Variants in SLMAP observed in about 807,000 individuals in gnomAD.
SLMAP encodes the protein sarcolemma associated protein, also known as sarcolemmal membrane-associated protein.
SLMAP carries 44 observed loss-of-function variants against 128.8 expected under a neutral mutation model. The ratio of observed to expected loss-of-function variants is 0.34; its 90% CI spans 0.27 to 0.44. The LOEUF (loss-of-function observed/expected upper bound fraction) is 0.44, where lower values mean the gene tolerates loss of function less well. Ranked by LOEUF, SLMAP falls within the 20% of genes least tolerant of loss-of-function variation. SLMAP has a pLI of 1.00. For missense variants in SLMAP, 787 were observed against 985.3 expected (o/e 0.80, Z 2.69); for synonymous variants, 327 against 348.8 (o/e 0.94, Z 0.70).
chr3:57,879,502 C>T lies in SLMAP; in HGVS notation c.1300+7804C>T, dbSNP rs577186276. On this transcript the variant is annotated intron_variant, in intron 14 of 24. Coordinates refer to ENST00000671191, the MANE Select transcript of SLMAP (RefSeq NM_001377540.1). ...CCCTCAGTAATTAAATGGACAAATA[C>T]ACTGGGGCATATTGGGCGGAAAAAA... Among the ~76,000 whole-genome samples the T allele has an allele frequency of 2.0e-3, 307 of 152,216 alleles. 7 individuals carry two copies. In the South Asian group the frequency reaches 0.037, roughly 19 times the overall value.
intron 4 of SLMAP, among the ~76,000 whole-genome samples, chr3:57,843,745 TC>T (rs1326240114): frequency 1.4e-5 from 2 of 147,318 alleles, no homozygotes; most frequent in Non-Finnish European, 3.0e-5. Context: ...TTTCTTTCTC[TC>T]CCTTTCTCTC....
At chr3:57,852,643 G>A (rs113137137) in intron 6 of SLMAP, among the ~76,000 whole-genome samples, 109 of 152,324 alleles carry the variant, frequency 7.2e-4, no homozygotes, top group African/African-American at 2.5e-3. Flanking sequence ...TAATTAAGCT[G>A]CTTATTATTA....
chr3:57,778,311 T>C (rs1180974233), intron 2 of SLMAP, among the ~76,000 whole-genome samples: 1 of 151,760 alleles, frequency 6.6e-6, no homozygotes, highest in African/African-American at 2.4e-5. Context: ...TTAGTATCTG[T>C]AGAATCTGTG....
chr3:57,886,234 G>T (rs987519901), intron 14 of SLMAP, among the ~76,000 whole-genome samples: 2 of 151,514 alleles, frequency 1.3e-5, no homozygotes, highest in Non-Finnish European at 2.9e-5. Context: ...CTCCTGAGTA[G>T]CTGGGATTAC....
intron 2 of SLMAP, among the ~76,000 whole-genome samples, chr3:57,822,348 C>T (rs755987716): frequency 2.0e-5 from 3 of 151,912 alleles, no homozygotes; most frequent in African/African-American, 4.8e-5. Flanking sequence ...GCTGTGAGGT[C>T]GTGGCACTCT....
At chr3:57,758,563 T>A (rs1177261335) in intron 2 of SLMAP, among the ~76,000 whole-genome samples, 1 of 152,190 alleles carries the variant, frequency 6.6e-6, no homozygotes, top group Non-Finnish European at 1.5e-5. Flanking sequence ...TATTCAAAAG[T>A]TAGTGTTAGG....
chr3:57,818,085 AAGT>A (rs999602598), intron 2 of SLMAP, among the ~76,000 whole-genome samples: 3 of 152,158 alleles, frequency 2.0e-5, no homozygotes, highest in Non-Finnish European at 4.4e-5. Flanking sequence ...TTGAGATCTA[AAGT>A]TTACTAGCTT....
intron 2 of SLMAP, among the ~76,000 whole-genome samples, chr3:57,825,985 A>G (rs1005707536): frequency 2.6e-5 from 4 of 152,168 alleles, no homozygotes; most frequent in South Asian, 2.1e-4. Context: ...CAGTGTTTCT[A>G]TGGGGAGCTT....
At chr3:57,820,717 T>C (rs532242798) in intron 2 of SLMAP, among the ~76,000 whole-genome samples, 24 of 152,310 alleles carry the variant, frequency 1.6e-4, no homozygotes, top group Middle Eastern at 3.4e-3. Flanking sequence ...TAAGCAAACC[T>C]TAGAGATACC....
At chr3:57,887,855 T>C (rs116948710) in intron 14 of SLMAP, among the ~76,000 whole-genome samples, 1 of 152,320 alleles carries the variant, frequency 6.6e-6, no homozygotes, top group East Asian at 1.9e-4. Context: ...ATCCCTACTA[T>C]GTGTACTGAG....
At chr3:57,767,481 T>C (rs1410502436) in intron 2 of SLMAP, among the ~76,000 whole-genome samples, 2 of 152,254 alleles carry the variant, frequency 1.3e-5, no homozygotes, top group Admixed American at 6.5e-5. Context: ...CATTATTTAT[T>C]GAGAGCTTGC....
chr3:57,882,353 C>G (rs897538809), intron 14 of SLMAP, among the ~76,000 whole-genome samples: 6 of 151,988 alleles, frequency 3.9e-5, no homozygotes, highest in Non-Finnish European at 5.9e-5. Context: ...CTGAAGAAAA[C>G]AAAGACTGTA....
chr3:57,809,774 C>T (rs527528656), intron 2 of SLMAP, among the ~76,000 whole-genome samples: 60 of 152,196 alleles, frequency 3.9e-4, no homozygotes, highest in Admixed American at 9.2e-4. Flanking sequence ...GCTGAGCAGA[C>T]GTTGAGATGA....
Position 57,907,028 on chromosome 3 carries a change from GT to G in SLMAP, c.1502-845del, listed in dbSNP as rs956020812. Among the ~76,000 whole-genome samples, 42 of 146,658 alleles carry G rather than the reference GT, an allele frequency of 2.9e-4. No individual in the cohort carries two copies. The South Asian group carries it at 5.6e-3, about 20-fold the overall frequency. On this transcript the variant is annotated intron_variant, in intron 17 of 24. Coordinates refer to ENST00000671191, the MANE Select transcript of SLMAP (RefSeq NM_001377540.1). ...TCAGCAGATTTTTGTTGTTGTTGCG[GT>G]TTTTTTTTTTCTTTTTGATACAGAG... is the stretch of plus-strand genomic sequence containing the variant.
At chr3:57,759,009 C>G (rs2078104400) in intron 2 of SLMAP, among the ~76,000 whole-genome samples, 1 of 152,058 alleles carries the variant, frequency 6.6e-6, no homozygotes, top group South Asian at 2.1e-4. Context: ...GAAACCTGAG[C>G]CTCAAAAGGA....
chr3:57,766,165 A>ATTTTTTTTTTTTT (rs869169620), intron 2 of SLMAP, among the ~76,000 whole-genome samples: 64 of 85,688 alleles, frequency 7.5e-4, no homozygotes, highest in Admixed American at 9.8e-4. Context: ...CACCCGGCTA[A>ATTTTTTTTTTTTT]TTTTTTTTTT....
chr3:57,860,728 A>G lies in SLMAP; in HGVS notation c.717A>G (p.Glu239=). Residue 239 remains glutamate (E), a synonymous_variant, in exon 9 of 25, where the codon GAA becomes GAG. Coordinates refer to ENST00000671191, the MANE Select transcript of SLMAP (RefSeq NM_001377540.1). ...AAACAGAAGATAGTTTACGAAAGGA[A>G]CTTATAGCATTACAAGAGGATAAAC... ...KNQTEDSLRK[E]LIALQEDKHN... The G allele has an allele frequency of 1.3e-6, 2 of 1,584,218 alleles. No individual in the cohort carries two copies. The highest frequency in any genetic ancestry group is 1.7e-6 in the Non-Finnish European group (2 of 1,171,314).
intron 3 of SLMAP, among the ~76,000 whole-genome samples, chr3:57,833,737 G>A (rs1228489812): frequency 6.6e-6 from 1 of 151,652 alleles, no homozygotes; most frequent in Non-Finnish European, 1.5e-5. Context: ...GATTTTTACA[G>A]TCTTCTGTGA....
chr3:57,862,372 G>T (rs1250379001), intron 10 of SLMAP, among the ~76,000 whole-genome samples: 2 of 151,892 alleles, frequency 1.3e-5, no homozygotes, highest in Non-Finnish European at 2.9e-5. Context: ...AGGCGCAGTG[G>T]CTCACGCCTG....
Sources: allele counts gnomAD v4.1 joint callset (sites outside exome capture counted in the v4.1 genomes callset), GRCh38; gene constraint gnomAD v4.1.1; transcripts MANE v1.5; gene names NCBI Gene and HGNC (gene_info 2026-07-23, HGNC 2026-07-21).